Variants in ESRRB observed in about 807,000 individuals in gnomAD.
ESRRB encodes the protein steroid hormone receptor ERR2.
ESRRB carries 16 observed loss-of-function variants against 46.0 expected under a neutral mutation model. That is an observed-to-expected ratio of 0.35 (90% CI 0.24 to 0.53). ESRRB has a LOEUF of 0.53. Among genes scored for constraint, ESRRB ranks in the 20% least tolerant of loss-of-function variants. The pLI, the probability that ESRRB is intolerant of heterozygous loss-of-function variation, is 0.93. For missense variants in ESRRB, 488 were observed against 607.4 expected, an observed-to-expected ratio of 0.80 and a Z score of 2.07; for synonymous variants, 246 against 259.6, an observed-to-expected ratio of 0.95 and a Z score of 0.50.
intron 1 of ESRRB, among the ~76,000 whole-genome samples, chr14:76,345,161 C>T (rs1884235226): frequency 6.6e-6 from 1 of 152,132 alleles, no homozygotes. Flanking sequence ...AACCCAAAAG[C>T]AAATGCAATA....
chr14:76,424,618 C>T (rs1887119463), intron 1 of ESRRB, among the ~76,000 whole-genome samples: 2 of 152,188 alleles, frequency 1.3e-5, no homozygotes, highest in African/African-American at 4.8e-5. Context: ...AACGCTGATT[C>T]CATCCTGGGT....
chr14:76,401,666 C>G (rs1158383249), intron 1 of ESRRB, among the ~76,000 whole-genome samples: 4 of 152,140 alleles, frequency 2.6e-5, no homozygotes, highest in Admixed American at 2.0e-4. Context: ...CAGTAACATG[C>G]TGTACAGGTT....
intron 5 of ESRRB, among the ~76,000 whole-genome samples, chr14:76,486,052 T>G (rs998881702): frequency 3.3e-5 from 5 of 152,228 alleles, no homozygotes; most frequent in Non-Finnish European, 7.3e-5. Flanking sequence ...GACATTGTCC[T>G]ACCCCAAATG....
At chr14:76,431,719 T>C (rs1013425690) in intron 1 of ESRRB, among the ~76,000 whole-genome samples, 1 of 152,206 alleles carries the variant, frequency 6.6e-6, no homozygotes, top group Non-Finnish European at 1.5e-5. Flanking sequence ...GACCACTGAC[T>C]ACTGCCCTTT....
intron 1 of ESRRB, among the ~76,000 whole-genome samples, chr14:76,419,513 A>G (rs578228250): frequency 6.6e-6 from 1 of 152,266 alleles, no homozygotes; most frequent in East Asian, 1.9e-4. Flanking sequence ...TAAGACATGG[A>G]AATTCTCATG....
At chr14:76,419,994 A>G (rs1220298772) in intron 1 of ESRRB, among the ~76,000 whole-genome samples, 1 of 152,184 alleles carries the variant, frequency 6.6e-6, no homozygotes, top group Non-Finnish European at 1.5e-5. Context: ...CTCACGGGGC[A>G]AGAGGCTAGA....
rs569974342 is a variant in ESRRB at position 76,391,168 on chromosome 14, G to A, written c.50+14717G>A. 1.2e-3 allele frequency among the ~76,000 whole-genome samples: 185 copies of A among 152,320 alleles called. 2 individuals are homozygous for A. The highest frequency in any genetic ancestry group is 6.8e-3 in the Middle Eastern group (2 of 294). ...TTCTTGGGATGCTACAGGAAAGCGG[G>A]AAGGTAAGATTTGGTCTGCAGCCTC... On this transcript the variant is annotated intron_variant, in intron 1 of 6. Coordinates refer to ENST00000644823, the MANE Select transcript of ESRRB (RefSeq NM_001379180.1).
chr14:76,429,569 G>A (rs922497532), intron 1 of ESRRB, among the ~76,000 whole-genome samples: 9 of 152,016 alleles, frequency 5.9e-5, no homozygotes, highest in African/African-American at 2.2e-4. Context: ...TGACCAACAT[G>A]GAGAAACCCC....
chr14:76,327,056 G>A (rs1232273089), intron 1 of ESRRB, among the ~76,000 whole-genome samples: 1 of 152,250 alleles, frequency 6.6e-6, no homozygotes, highest in Admixed American at 6.5e-5. Context: ...AGGGGCTTGT[G>A]TTTGTGTCTC....
At chr14:76,331,913 C>T (rs570940231) in intron 1 of ESRRB, among the ~76,000 whole-genome samples, 150 of 152,002 alleles carry the variant, frequency 9.9e-4, no homozygotes, top group Non-Finnish European at 1.7e-3. Context: ...AGTCCAGGTG[C>T]CCAGCGCCCA....
chr14:76,466,973 G>A (rs186982048), intron 3 of ESRRB, among the ~76,000 whole-genome samples: 63 of 152,034 alleles, frequency 4.1e-4, no homozygotes, highest in African/African-American at 1.5e-3. Flanking sequence ...GCCCGCCTCA[G>A]CCTCCCAAAG....
chr14:76,411,801 G>T (rs1431329110), intron 1 of ESRRB, among the ~76,000 whole-genome samples: 1 of 152,164 alleles, frequency 6.6e-6, no homozygotes, highest in Non-Finnish European at 1.5e-5. Context: ...AGCTAGAGAA[G>T]CTTTCGTACA....
At chr14:76,418,742 A>T (rs1430543224) in intron 1 of ESRRB, among the ~76,000 whole-genome samples, 2 of 151,906 alleles carry the variant, frequency 1.3e-5, no homozygotes, top group Non-Finnish European at 2.9e-5. Flanking sequence ...CAGCCTCCCT[A>T]GTAGCTAGGA....
Position 76,438,358 on chromosome 14 carries a change from A to G in ESRRB, c.51-983A>G, listed in dbSNP as rs547108999. 1.2e-4 allele frequency among the ~76,000 whole-genome samples: 19 copies of G among 152,292 alleles called. No individual in the cohort carries two copies. In the South Asian group the frequency reaches 3.9e-3, roughly 32 times the overall value. On this transcript the variant is annotated intron_variant, in intron 1 of 6. Transcript: ENST00000644823. ...TCTCTGGGCCAAAGCTGTACTGCCA[A>G]GACTGTTACATTGTAGCCATTGGCT...
chr14:76,437,658 G>A (rs959177842), intron 1 of ESRRB, among the ~76,000 whole-genome samples: 16 of 152,258 alleles, frequency 1.1e-4, no homozygotes, highest in Middle Eastern at 3.4e-3. Flanking sequence ...GAGGCAGCCT[G>A]TCAAGGACAG....
In ESRRB at chr14:76,482,200, A is replaced by T; in HGVS notation, c.688+74A>T. 3.6e-6 allele frequency: 4 copies of T among 1,113,274 alleles called. No homozygotes were observed. Among genetic ancestry groups the T allele is most frequent in the South Asian group, 1.3e-5 (1 of 79,598 alleles). 69.0% of individuals were successfully genotyped at this position (1,113,274 alleles called of 1,614,324 possible). A position where few individuals can be genotyped will look rare whatever the true frequency, so the allele number is the denominator to read the frequency against. ...AACATCAGGCATCCCTTAGGGAAAC[A>T]TCATCTTCCCACCACTGGGTCATGA... On this transcript the variant is annotated intron_variant, in intron 4 of 6. Coordinates refer to ENST00000644823, the MANE Select transcript of ESRRB (RefSeq NM_001379180.1). The surrounding 1 kb of genome is among the most constrained non-coding windows in gnomAD (Gnocchi z 4.3).
intron 1 of ESRRB, among the ~76,000 whole-genome samples, chr14:76,347,129 G>A (rs1407417590): frequency 1.3e-5 from 2 of 152,174 alleles, no homozygotes; most frequent in East Asian, 1.9e-4. Context: ...TCACCCTGTA[G>A]GGAGACTGAT....
intron 2 of ESRRB, among the ~76,000 whole-genome samples, chr14:76,451,809 T>C (rs1888393125): frequency 2.0e-5 from 3 of 150,632 alleles, no homozygotes; most frequent in Admixed American, 2.0e-4. Flanking sequence ...TTTTTTTTTT[T>C]TTTAGTAAAG....
intron 5 of ESRRB, among the ~76,000 whole-genome samples, chr14:76,484,572 TG>T (rs1198666638): frequency 2.6e-5 from 4 of 152,156 alleles, no homozygotes; most frequent in African/African-American, 9.7e-5. Flanking sequence ...GAGTGGCGCC[TG>T]GTGGTCCCCT....
Sources: gnomAD v4.1 joint callset for allele counts (sites outside exome capture counted in the v4.1 genomes callset) on GRCh38, gnomAD v4.1.1 for gene constraint, Gnocchi (gnomAD v3.1) non-coding constraint, MANE v1.5 for transcripts, NCBI Gene and HGNC (gene_info 2026-07-23, HGNC 2026-07-21) for gene names.